GNG4: variants seen among roughly 807,000 people sequenced by gnomAD.
GNG4 encodes G protein subunit gamma 4, also known as guanine nucleotide-binding protein G(I)/G(S)/G(O) subunit gamma-4.
GNG4 carries 4 observed loss-of-function variants against 5.8 expected under a neutral mutation model. The ratio of observed to expected loss-of-function variants is 0.69; its 90% CI spans 0.34 to 1.57. The LOEUF is 1.57. GNG4 is among the 40% of genes most tolerant of loss of function. GNG4 has a pLI of 0.06. For synonymous variants in GNG4, 29 were observed against 32.9 expected (o/e 0.88, Z 0.41); for missense variants, 96 against 95.1 (o/e 1.01, Z -0.04).
At chr1:235,596,524 A>C (rs1185415607) in intron 1 of GNG4, among the ~76,000 whole-genome samples, 2 of 152,188 alleles carry the variant, frequency 1.3e-5, no homozygotes, top group East Asian at 3.8e-4. Flanking sequence ...AAACAAAACA[A>C]AACAAAAAAA....
chr1:235,610,128 G>T (rs1688450016), intron 1 of GNG4, among the ~76,000 whole-genome samples: 1 of 152,166 alleles, frequency 6.6e-6, no homozygotes, highest in Non-Finnish European at 1.5e-5. Flanking sequence ...GAGTTCTTAT[G>T]CCTCTTTAAC....
At chr1:235,581,870 G>A (rs1056545503) in intron 3 of GNG4, among the ~76,000 whole-genome samples, 12 of 152,132 alleles carry the variant, frequency 7.9e-5, no homozygotes, top group Non-Finnish European at 1.6e-4. Context: ...GAAGACACCC[G>A]GTCCTCACAG....
chr1:235,636,357 G>A (rs553737960), intron 1 of GNG4, among the ~76,000 whole-genome samples: 12 of 152,314 alleles, frequency 7.9e-5, no homozygotes, highest in African/African-American at 2.9e-4. Context: ...AGGCTCTTTG[G>A]GGGTCTCAGA....
chr1:235,629,598 T>C (rs1688892837), intron 1 of GNG4, among the ~76,000 whole-genome samples: 1 of 150,132 alleles, frequency 6.7e-6, no homozygotes, highest in African/African-American at 2.5e-5. Flanking sequence ...TTTTCTTTCT[T>C]TCTTTTTTTT....
chr1:235,606,581 C>T (rs376890628), intron 1 of GNG4, among the ~76,000 whole-genome samples: 5 of 151,962 alleles, frequency 3.3e-5, no homozygotes, highest in South Asian at 2.1e-4. Context: ...CTGTTCCGCA[C>T]GCTTAGGAAA....
rs1657355093 is a variant in GNG4, at chr1:235,642,276, G to A, written c.-123+7386C>T. ...AAGCTGCCGCGGTTACTGTGAAGCA[G>A]GGCCAAGGCCAGCCCTCCGCCTCGA... On this transcript the variant is annotated intron_variant, in intron 1 of 3. Coordinates refer to ENST00000391854, the MANE Select transcript of GNG4 (RefSeq NM_001098722.2). The surrounding 1 kb of genome is among the most constrained non-coding windows in gnomAD (Gnocchi z 4.3). 6.6e-6 allele frequency among the ~76,000 whole-genome samples: 1 copy of A among 152,204 alleles called. No individual in the cohort carries two copies. Among genetic ancestry groups the A allele is most frequent in the Non-Finnish European group, 1.5e-5 (1 of 68,026 alleles).
At position 235,644,718 on chromosome 1, in the gene GNG4, C is replaced by T. The variant is rs1657453929; in HGVS notation, c.-123+4944G>A. On this transcript the variant is annotated intron_variant, in intron 1 of 3. Transcript: ENST00000391854. This position sits in a 1 kb window ranked among gnomAD's most constrained non-coding sequence, Gnocchi z 5.9. ...AACCGAATGAGGACTGACTCATGCT[C>T]GTTTAGTCGGCCACAGGCTAGGGGC... 1.3e-5 allele frequency among the ~76,000 whole-genome samples: 2 copies of T among 152,176 alleles called. No homozygotes were observed. The highest frequency in any genetic ancestry group is 6.5e-5 in the Admixed American group (1 of 15,286).
chr1:235,548,122 G>C lies in GNG4; in HGVS notation c.*3987C>G, dbSNP rs1686628797. 1 of 152,296 alleles carries C rather than the reference G, an allele frequency of 6.6e-6. No homozygotes were observed. Among genetic ancestry groups the C allele is most frequent in the East Asian group, 1.9e-4 (1 of 5,170 alleles). 9.4% of individuals were successfully genotyped at this position (152,296 alleles called of 1,614,324 possible). A position where few individuals can be genotyped will look rare whatever the true frequency, so the allele number is the denominator to read the frequency against. ...TTCCTGTTCGGGGTTATTATGGAGAGTGTTTTTGTGAAGATTTAGAGCATG... is the reference window on the plus strand; with the variant it reads ...TTCCTGTTCGGGGTTATTATGGAGACTGTTTTTGTGAAGATTTAGAGCATG... On this transcript the variant is annotated 3_prime_UTR_variant, in exon 4 of 4. Transcript: ENST00000391854.
At chr1:235,635,456 A>C (rs1366973760) in intron 1 of GNG4, among the ~76,000 whole-genome samples, 3 of 151,980 alleles carry the variant, frequency 2.0e-5, no homozygotes, top group African/African-American at 4.8e-5. Context: ...AGATCGCACC[A>C]CTGGACTCCA....
intron 3 of GNG4, among the ~76,000 whole-genome samples, chr1:235,567,946 T>A (rs1231976318): frequency 6.6e-6 from 1 of 152,136 alleles, no homozygotes; most frequent in African/African-American, 2.4e-5. Flanking sequence ...ACAATTGTTC[T>A]GAGAGACGGC....
chr1:235,584,696 CAAT>C (rs1571894557), intron 2 of GNG4, among the ~76,000 whole-genome samples: 1 of 54,800 alleles, frequency 1.8e-5, no homozygotes, highest in Non-Finnish European at 3.7e-5. Context: ...ATCACAATTG[CAAT>C]TGCCCCGTCT....
In GNG4 at chr1:235,570,394, C is replaced by CTTT. The variant is rs11459490; in HGVS notation, c.99+13343_99+13345dup. On this transcript the variant is annotated intron_variant, in intron 3 of 3. Transcript: ENST00000391854. ...TTCCAACTCGTTAGTTTCACCTCTT[C>CTTT]TTTTTTTTTTTTTTTTTTTTGAGAC... 6.1e-3 allele frequency among the ~76,000 whole-genome samples: 640 copies of CTTT among 105,478 alleles called. 31 individuals carry two copies. The highest frequency in any genetic ancestry group is 0.021 in the African/African-American group (548 of 26,264). 69.2% of individuals were successfully genotyped at this position (105,478 alleles called of 152,430 possible). A position where few individuals can be genotyped will look rare whatever the true frequency, so the allele number is the denominator to read the frequency against.
At chr1:235,564,241 G>A (rs1054196977) in intron 3 of GNG4, among the ~76,000 whole-genome samples, 2 of 152,096 alleles carry the variant, frequency 1.3e-5, no homozygotes, top group African/African-American at 4.8e-5. Context: ...ACAAAGATGG[G>A]AATAGGAGAC....
At chr1:235,621,241 T>A (rs1688704111) in intron 1 of GNG4, among the ~76,000 whole-genome samples, 1 of 151,394 alleles carries the variant, frequency 6.6e-6, no homozygotes, top group African/African-American at 2.4e-5. Context: ...AAGTCTAATT[T>A]TTTTTTAATT....
intron 2 of GNG4, among the ~76,000 whole-genome samples, chr1:235,590,713 G>GCT (rs1465557191): frequency 6.6e-6 from 1 of 152,076 alleles, no homozygotes; most frequent in East Asian, 1.9e-4. Flanking sequence ...GGCTGCTCTG[G>GCT]CTTCTCCCAG....
intron 3 of GNG4, among the ~76,000 whole-genome samples, chr1:235,563,149 G>T (rs953729107): frequency 2.0e-5 from 3 of 151,952 alleles, no homozygotes; most frequent in African/African-American, 7.2e-5. Context: ...TAGGCCAGGC[G>T]TGATGGCTCA....
At position 235,583,847 on chromosome 1, in the gene GNG4, C is replaced by T; in HGVS notation, c.-9G>A. On this transcript the variant is annotated splice_region_variant and 5_prime_UTR_variant, in exon 3 of 4. Transcript: ENST00000391854. ...GACATGCCCTCTTTCATTCTACTGCCCCTAGAAGTAACCAAAGTAAAAGGG... is the reference window on the plus strand; with the variant it reads ...GACATGCCCTCTTTCATTCTACTGCTCCTAGAAGTAACCAAAGTAAAAGGG... 1 of 1,599,956 alleles carries T rather than the reference C, an allele frequency of 6.3e-7. No homozygotes were observed. The highest frequency in any genetic ancestry group is 8.6e-7 in the Non-Finnish European group (1 of 1,167,402).
At position 235,591,113 on chromosome 1, in the gene GNG4, C is replaced by T. The variant is rs150307129; in HGVS notation, c.-11+4287G>A. On this transcript the variant is annotated intron_variant, in intron 2 of 3. Transcript: ENST00000391854. ...GGGAACATGGAGGTCCGGTTCCAAT[C>T]CTCTTATTTTTCAGATAAGGAAATA... 3.3e-5 allele frequency among the ~76,000 whole-genome samples: 5 copies of T among 152,220 alleles called. No individual in the cohort carries two copies. In the East Asian group the frequency reaches 5.8e-4, roughly 18 times the overall value.
At chr1:235,584,327 A>G (rs1456650900) in intron 2 of GNG4, among the ~76,000 whole-genome samples, 1 of 152,202 alleles carries the variant, frequency 6.6e-6, no homozygotes, top group South Asian at 2.1e-4. Context: ...AAGATCCTAC[A>G]GCCAACATTT....
Sources: allele counts gnomAD v4.1 joint callset (sites outside exome capture counted in the v4.1 genomes callset), GRCh38; gene constraint gnomAD v4.1.1; non-coding constraint Gnocchi (gnomAD v3.1); transcripts MANE v1.5; gene names NCBI Gene and HGNC (gene_info 2026-07-23, HGNC 2026-07-21).